EPG5: variants seen among roughly 807,000 people sequenced by gnomAD.
EPG5 encodes the protein ectopic P-granules 5 autophagy tethering factor.
A neutral mutation model predicts 302.7 loss-of-function variants in EPG5; 159 were observed. The observed-to-expected ratio is 0.53, with a 90% CI of 0.46 to 0.60. The LOEUF (loss-of-function observed/expected upper bound fraction) is 0.60. Ranked by LOEUF, EPG5 falls within the 20% of genes least tolerant of loss-of-function variation. The pLI is 0.00. For synonymous variants in EPG5, 1,158 were observed against 1,136.8 expected (o/e 1.02, Z -0.37); for missense variants, 2,896 against 3,092.4 (o/e 0.94, Z 1.51).
At chr18:45,929,865 C>A (rs1176315197) in intron 12 of EPG5, among the ~76,000 whole-genome samples, 2 of 152,164 alleles carry the variant, frequency 1.3e-5, no homozygotes, top group Non-Finnish European at 2.9e-5. Flanking sequence ...GAAAGAACAT[C>A]CAGGTTTGTC....
chr18:45,887,651 C>G (rs1280621966), intron 29 of EPG5, 100 bp downstream of exon 29: 3 of 1,046,868 alleles, frequency 2.9e-6, no homozygotes, highest in Non-Finnish European at 3.9e-6. Flanking sequence ...GACTCTGAAC[C>G]TGTAATATAA....
At chr18:45,913,849 G>A (rs2049967496) in intron 20 of EPG5, 21 bp from the exon 21 acceptor site, 1 of 1,611,792 alleles carries the variant, frequency 6.2e-7, no homozygotes, top group Non-Finnish European at 8.5e-7. Flanking sequence ...ACCAGATAAA[G>A]GGGAGGGGAA....
intron 13 of EPG5, among the ~76,000 whole-genome samples, 172 bp from the exon 14 acceptor site, chr18:45,926,074 G>T (rs1016848884): frequency 7.2e-5 from 11 of 152,216 alleles, no homozygotes; most frequent in African/African-American, 2.6e-4. Flanking sequence ...AATCAAGTGG[G>T]TATTAAAATT....
At chr18:45,805,938 C>T in the EPG5 span, among the ~76,000 whole-genome samples, 10 of 152,176 alleles carry the variant, frequency 6.6e-5, no homozygotes, top group African/African-American at 2.2e-4. Flanking sequence ...CTTCTCTCAG[C>T]ATTTGATAGA....
At position 45,847,771 on chromosome 18, in the gene EPG5, G is replaced by A. The variant is rs569976806; in HGVS notation, c.*4696C>T. 10 of 152,494 alleles carry A rather than the reference G, an allele frequency of 6.6e-5. No homozygotes were observed. In the East Asian group the frequency reaches 1.9e-3, roughly 29 times the overall value. 9.4% of individuals were successfully genotyped at this position (152,494 alleles called of 1,614,324 possible). A position where few individuals can be genotyped will look rare whatever the true frequency, so the allele number is the denominator to read the frequency against. ...TTGCACATTTAATGTCCAAAATAAA[G>A]TTGTGGTTTTTAAAGGTCACACTAG... is the stretch of plus-strand genomic sequence containing the variant. On this transcript the variant is annotated 3_prime_UTR_variant, in exon 44 of 44. Transcript: ENST00000282041.
the EPG5 span, among the ~76,000 whole-genome samples, chr18:45,833,178 C>T: frequency 6.6e-6 from 1 of 152,116 alleles, no homozygotes; most frequent in Non-Finnish European, 1.5e-5. Flanking sequence ...ACAAAGGAGG[C>T]AAAACTACCC....
chr18:45,818,553 T>C, the EPG5 span, among the ~76,000 whole-genome samples: 6 of 152,174 alleles, frequency 3.9e-5, no homozygotes, highest in Non-Finnish European at 8.8e-5. Flanking sequence ...GAATTTGCAA[T>C]TCTTTAGTTA....
chr18:45,940,592 T>C (rs2050642941), intron 9 of EPG5, among the ~76,000 whole-genome samples: 1 of 152,202 alleles, frequency 6.6e-6, no homozygotes. Context: ...TTCAAAAGGA[T>C]GCATGTCTTT....
At chr18:45,839,682 G>GT in the EPG5 span, among the ~76,000 whole-genome samples, 9 of 152,234 alleles carry the variant, frequency 5.9e-5, no homozygotes, top group African/African-American at 2.2e-4. Context: ...ATAAAAATAT[G>GT]TAAGTAGGCA....
chr18:45,907,488 A>G (rs925258454), intron 24 of EPG5, among the ~76,000 whole-genome samples: 3 of 152,180 alleles, frequency 2.0e-5, no homozygotes, highest in African/African-American at 4.8e-5. Flanking sequence ...AAGAGCAATC[A>G]GAACTGTGAC....
intron 29 of EPG5, among the ~76,000 whole-genome samples, chr18:45,885,724 T>C (rs1359121110): frequency 6.6e-6 from 1 of 152,186 alleles, no homozygotes; most frequent in Non-Finnish European, 1.5e-5. Context: ...ATTAAAATTT[T>C]AACTTCTATA....
Position 45,939,699 on chromosome 18 carries a change from C to G in EPG5, c.2000G>C (p.Gly667Ala). ...HWAQYVSHNQ[G>A]SGLAQQPYSM... is the part of the protein sequence containing the mutation. The stretch of plus-strand genomic sequence containing the variant: ...GTAGGGCTGTTGGGCCAATCCTGAG[C>G]CTTGGTTATGGCTCACATACTGTGC... The change falls in exon 10 of 44, where the codon GGC becomes GCC. Residue 667 changes from glycine to alanine, a missense_variant. Gly to Ala is a moderately conservative substitution (Grantham distance 60, BLOSUM62 0). This residue lies in a region of EPG5 where 1,390 missense variants were observed against 1,430.0 expected (regional missense o/e 0.97). Transcript: ENST00000282041. 1 of 1,614,028 alleles carries G rather than the reference C, an allele frequency of 6.2e-7. No individual in the cohort carries two copies. The highest frequency in any genetic ancestry group is 8.5e-7 in the Non-Finnish European group (1 of 1,180,020).
intron 10 of EPG5, 106 bp from the exon 11 acceptor site, chr18:45,935,072 T>G: frequency 8.4e-7 from 1 of 1,195,156 alleles, no homozygotes; most frequent in Admixed American, 2.7e-5. Flanking sequence ...AATCACACTA[T>G]GATTTTTCTA....
intron 35 of EPG5, among the ~76,000 whole-genome samples, chr18:45,872,972 G>A (rs551907884): frequency 4.6e-5 from 7 of 152,288 alleles, no homozygotes; most frequent in South Asian, 2.1e-4. Context: ...ATTCTGTGAC[G>A]TCAGATAAAT....
chr18:45,922,391 G>A lies in EPG5; in HGVS notation c.3048C>T (p.Gly1016=), dbSNP rs554642077. 7 of 1,614,078 alleles carry A rather than the reference G, an allele frequency of 4.3e-6. No homozygotes were observed. Among genetic ancestry groups the A allele is most frequent in the Non-Finnish European group, 5.9e-6 (7 of 1,180,042 alleles). ...AGGCTAGATAACAGCCAATGGGCATGCCCGCTTTCACAGCCTTCAAGAGAG... is the reference window on the plus strand; with the variant it reads ...AGGCTAGATAACAGCCAATGGGCATACCCGCTTTCACAGCCTTCAAGAGAG... ...FHPLLKAVKA[G]MPIGCYLALS... Residue 1016 remains glycine (G), a synonymous_variant, in exon 16 of 44, where the codon GGC becomes GGT. Coordinates refer to ENST00000282041, the MANE Select transcript of EPG5 (RefSeq NM_020964.3).
At chr18:45,894,741 TGTTTAGAAAA>T (rs200548121) in intron 27 of EPG5, among the ~76,000 whole-genome samples, 572 of 152,298 alleles carry the variant, frequency 3.8e-3, no homozygotes, top group African/African-American at 0.013. Flanking sequence ...GTGTATGTTG[TGTTTAGAAAA>T]ATGCAGAAAG....
the EPG5 span, among the ~76,000 whole-genome samples, chr18:45,807,939 C>G: frequency 6.6e-6 from 1 of 151,820 alleles, no homozygotes; most frequent in Non-Finnish European, 1.5e-5. Flanking sequence ...TAAGGAGGCA[C>G]TAGAGAAAGG....
At chr18:45,913,090 CAAAAAAAAAAAAAAGA>C (rs2049946563) in intron 21 of EPG5, among the ~76,000 whole-genome samples, 3 of 108,350 alleles carry the variant, frequency 2.8e-5, no homozygotes, top group Admixed American at 2.7e-4. Context: ...GACTCTGTCT[CAAAAAAAAAAAAAAGA>C]AAAAGAAAAA....
At chr18:45,855,716 G>T in intron 42 of EPG5, 29 bp from the exon 43 acceptor site, 2 of 1,425,086 alleles carry the variant, frequency 1.4e-6, no homozygotes, top group Non-Finnish European at 2.0e-6. Context: ...GTCAGAAGAA[G>T]TAAATGGCTA....
Sources: allele counts gnomAD v4.1 joint callset (sites outside exome capture counted in the v4.1 genomes callset), GRCh38; gene constraint gnomAD v4.1.1; regional missense constraint gnomAD v4.1.1; transcripts MANE v1.5; gene names NCBI Gene and HGNC (gene_info 2026-07-23, HGNC 2026-07-21).